Variants in INPP4B observed in about 807,000 individuals in gnomAD.
INPP4B encodes the protein inositol polyphosphate-4-phosphatase type II B.
A neutral mutation model predicts 122.5 loss-of-function variants in INPP4B; 55 were observed. The observed-to-expected ratio is 0.45, with a 90% CI of 0.36 to 0.56. INPP4B has a LOEUF of 0.56. INPP4B is among the 20% of genes least tolerant of loss of function. The probability of loss-of-function intolerance (pLI) is 0.00; values close to 1 mark genes in which losing one functional copy is unlikely to be tolerated. For synonymous variants in INPP4B, 403 were observed against 388.7 expected, an observed-to-expected ratio of 1.04 and a Z score of -0.43; for missense variants, 1,000 against 1,097.7, an observed-to-expected ratio of 0.91 and a Z score of 1.26.
intron 2 of INPP4B, among the ~76,000 whole-genome samples, chr4:142,672,428 T>C (rs539434371): frequency 1.1e-3 from 167 of 151,962 alleles, no homozygotes; most frequent in Non-Finnish European, 1.9e-3. Context: ...TTTGGTGGTG[T>C]TTGTTTGTTT....
At chr4:142,252,186 A>AT (rs36065435) in intron 11 of INPP4B, among the ~76,000 whole-genome samples, 1,126 of 90,206 alleles carry the variant, frequency 0.012, 26 homozygotes, top group African/African-American at 0.04. Context: ...TATAGTAGTC[A>AT]TTTTTTTTTT....
chr4:142,210,089 G>A (rs1343961142), intron 12 of INPP4B, among the ~76,000 whole-genome samples: 5 of 152,048 alleles, frequency 3.3e-5, no homozygotes, highest in Non-Finnish European at 4.4e-5. Flanking sequence ...ATTCATTTCT[G>A]TAACCTTTTA....
chr4:142,696,066 A>C (rs77335039), intron 2 of INPP4B, among the ~76,000 whole-genome samples: 3,926 of 152,240 alleles, frequency 0.026, 65 homozygotes, highest in Middle Eastern at 0.092. Flanking sequence ...GAAAATGTTG[A>C]GTATTGACAA....
In INPP4B at chr4:142,111,320, A is replaced by C. The variant is rs1789909308; in HGVS notation, c.2276+1222T>G. Among the ~76,000 whole-genome samples the C allele has an allele frequency of 5.3e-5, 8 of 152,132 alleles. No homozygotes were observed. The South Asian group carries it at 1.7e-3, about 32-fold the overall frequency. The stretch of plus-strand genomic sequence containing the variant: ...CAAGATGCTAACTTCTTTCTCTAAA[A>C]TATTTCAAAAGTATGTTCTATGATC... On this transcript the variant is annotated intron_variant, in intron 22 of 25. Coordinates refer to ENST00000262992, the MANE Select transcript of INPP4B (RefSeq NM_001101669.3).
intron 25 of INPP4B, among the ~76,000 whole-genome samples, chr4:142,076,534 A>G (rs1770792199): frequency 6.6e-6 from 1 of 152,056 alleles, no homozygotes; most frequent in Non-Finnish European, 1.5e-5. Flanking sequence ...GCAAATACTG[A>G]CTGAAGTAAT....
intron 25 of INPP4B, among the ~76,000 whole-genome samples, chr4:142,061,228 G>T (rs1760469436): frequency 6.6e-6 from 1 of 152,188 alleles, no homozygotes; most frequent in Non-Finnish European, 1.5e-5. Context: ...ACCCAAAGTA[G>T]CAAACTCCCT....
intron 2 of INPP4B, among the ~76,000 whole-genome samples, chr4:142,564,455 G>A (rs77131417): frequency 0.23 from 26,352 of 112,430 alleles, 3,737 homozygotes; most frequent in East Asian, 0.64. Flanking sequence ...AAAAAAAAAA[G>A]AAAGAAAGAA....
At chr4:142,029,315 C>A in intron 25 of INPP4B, 2 of 984,834 alleles carry the variant, frequency 2.0e-6, no homozygotes, top group Non-Finnish European at 2.4e-6. Context: ...AGAAATAAGG[C>A]ATTTAATTTA....
intron 5 of INPP4B, chr4:142,423,704 G>T: frequency 5.1e-6 from 2 of 394,560 alleles, no homozygotes; most frequent in Non-Finnish European, 9.8e-6. Flanking sequence ...ACCTGGTACA[G>T]ATGTATACTG....
rs148351511 is a variant in INPP4B, at chr4:142,428,569, CATT to C, written c.136+601_136+603del. On this transcript the variant is annotated intron_variant, in intron 5 of 25. Transcript: ENST00000262992. The stretch of plus-strand genomic sequence containing the variant: ...ATTCACATATAAAGTAGTTTCCACT[CATT>C]AGTTAAGTAGTGGACTGGTCTCAGA... Among the ~76,000 whole-genome samples, 1,241 of 151,972 alleles carry C rather than the reference CATT, an allele frequency of 8.2e-3. 22 individuals carry two copies. The highest frequency in any genetic ancestry group is 0.027 in the African/African-American group (1,133 of 41,500).
intron 2 of INPP4B, among the ~76,000 whole-genome samples, chr4:142,672,257 GGAGA>G (rs965517164): frequency 1.3e-5 from 2 of 152,154 alleles, no homozygotes; most frequent in Non-Finnish European, 2.9e-5. Flanking sequence ...TCAGTGAATA[GGAGA>G]GAGATTGGTG....
chr4:142,829,346 G>C (rs560090907), intron 1 of INPP4B, among the ~76,000 whole-genome samples: 5 of 152,284 alleles, frequency 3.3e-5, no homozygotes, highest in African/African-American at 9.6e-5. Flanking sequence ...AGGTAGATCA[G>C]AGGGAGGAGG....
At chr4:142,455,622 T>C (rs1815241980) in intron 3 of INPP4B, among the ~76,000 whole-genome samples, 1 of 152,106 alleles carries the variant, frequency 6.6e-6, no homozygotes, top group Non-Finnish European at 1.5e-5. Flanking sequence ...AACATGGGAA[T>C]GCAGATATCT....
At chr4:142,290,853 G>T (rs1756154278) in intron 9 of INPP4B, among the ~76,000 whole-genome samples, 1 of 152,106 alleles carries the variant, frequency 6.6e-6, no homozygotes, top group Non-Finnish European at 1.5e-5. Context: ...AAGAATGTAG[G>T]GGCTATTCAG....
intron 2 of INPP4B, among the ~76,000 whole-genome samples, chr4:142,715,553 G>A (rs1480840743): frequency 6.6e-6 from 1 of 151,844 alleles, no homozygotes; most frequent in African/African-American, 2.4e-5. Flanking sequence ...ATACAATGCT[G>A]AATACAAAAT....
At chr4:142,689,924 G>C (rs1449150801) in intron 2 of INPP4B, among the ~76,000 whole-genome samples, 2 of 152,094 alleles carry the variant, frequency 1.3e-5, no homozygotes, top group Non-Finnish European at 2.9e-5. Flanking sequence ...AAGTCAAACA[G>C]ACTTTCCTTA....
rs542813065 is a variant in INPP4B at position 142,164,175 on chromosome 4, T to A, written c.1360-3614A>T. Among the ~76,000 whole-genome samples the A allele has an allele frequency of 6.6e-5, 10 of 151,944 alleles. No individual in the cohort carries two copies. In the South Asian group the frequency reaches 1.9e-3, roughly 28 times the overall value. On this transcript the variant is annotated intron_variant, in intron 16 of 25. Transcript: ENST00000262992. Reference sequence around the variant, plus strand: ...TCTGCAAGTATAAAACTACTAAAAATTACTTCTCCTGGGGATGAATGAAGA... The same window carrying A: ...TCTGCAAGTATAAAACTACTAAAAAATACTTCTCCTGGGGATGAATGAAGA...
intron 2 of INPP4B, among the ~76,000 whole-genome samples, chr4:142,484,181 A>C (rs1820928328): frequency 6.6e-6 from 1 of 152,082 alleles, no homozygotes; most frequent in South Asian, 2.1e-4. Flanking sequence ...GAAGAACAAC[A>C]ATATAAAAAT....
chr4:142,515,382 G>A (rs1440846482), intron 2 of INPP4B, among the ~76,000 whole-genome samples: 1 of 152,106 alleles, frequency 6.6e-6, no homozygotes, highest in Non-Finnish European at 1.5e-5. Flanking sequence ...AATGCTGATC[G>A]TCTTATTTAA....
Sources: allele counts gnomAD v4.1 joint callset (sites outside exome capture counted in the v4.1 genomes callset), GRCh38; gene constraint gnomAD v4.1.1; transcripts MANE v1.5; gene names NCBI Gene and HGNC (gene_info 2026-07-23, HGNC 2026-07-21).